RPRD1A: variants seen among roughly 807,000 people sequenced by gnomAD.
The protein encoded by RPRD1A is regulation of nuclear pre-mRNA domain containing 1A, also known as regulation of nuclear pre-mRNA domain-containing protein 1A.
Under a neutral mutation model 37.8 loss-of-function variants are expected in RPRD1A, and 9 were observed. That is an observed-to-expected ratio of 0.24 (90% CI 0.14 to 0.42). The LOEUF is 0.42. Ranked by LOEUF, RPRD1A falls within the 10% of genes least tolerant of loss-of-function variation. The pLI, the probability that RPRD1A is intolerant of heterozygous loss-of-function variation, is 1.00. For synonymous variants in RPRD1A, 138 were observed against 139.7 expected, an observed-to-expected ratio of 0.99 and a Z score of 0.08; for missense variants, 255 against 371.0, an observed-to-expected ratio of 0.69 and a Z score of 2.57.
intron 6 of RPRD1A, among the ~76,000 whole-genome samples, chr18:35,993,845 C>G (rs542063059): frequency 6.6e-6 from 1 of 152,310 alleles, no homozygotes; most frequent in Admixed American, 6.5e-5. Flanking sequence ...CCCCAACTAC[C>G]TGGTGCTGAA....
At position 35,990,075 on chromosome 18, in the gene RPRD1A, T is replaced by C. The variant is rs878920682; in HGVS notation, c.*3076A>G. On this transcript the variant is annotated 3_prime_UTR_variant, in exon 7 of 7. Transcript: ENST00000399022. ...TGGGCTTACATTTTAAGTTTTGATA[T>C]AGTGCAACAACTATGAAACAAGACT... is the stretch of plus-strand genomic sequence containing the variant. The C allele has an allele frequency of 6.6e-6, 1 of 152,246 alleles. No homozygotes were observed. Among genetic ancestry groups the C allele is most frequent in the Non-Finnish European group, 1.5e-5 (1 of 68,038 alleles). 9.4% of individuals were successfully genotyped at this position (152,246 alleles called of 1,614,324 possible). A position where few individuals can be genotyped will look rare whatever the true frequency, so the allele number is the denominator to read the frequency against.
chr18:36,065,393 C>T (rs191417014), intron 1 of RPRD1A, among the ~76,000 whole-genome samples: 2 of 152,246 alleles, frequency 1.3e-5, no homozygotes, highest in East Asian at 1.9e-4. Context: ...GAGAACTTTT[C>T]GATAGTATTA....
At chr18:36,039,764 A>T (rs1912449786) in intron 1 of RPRD1A, among the ~76,000 whole-genome samples, 1 of 152,226 alleles carries the variant, frequency 6.6e-6, no homozygotes, top group Non-Finnish European at 1.5e-5. Flanking sequence ...AACAGCTAAA[A>T]TCCTGTTATC....
intron 1 of RPRD1A, among the ~76,000 whole-genome samples, chr18:36,047,153 A>G (rs939235927): frequency 1.3e-5 from 2 of 152,074 alleles, no homozygotes; most frequent in Admixed American, 6.6e-5. Flanking sequence ...GGTTACAGTG[A>G]GCTGCGATCA....
chr18:36,047,294 A>C (rs549262759), intron 1 of RPRD1A, among the ~76,000 whole-genome samples: 21 of 152,168 alleles, frequency 1.4e-4, no homozygotes, highest in Non-Finnish European at 2.9e-4. Flanking sequence ...TTGAAAATAC[A>C]ACATAACAAA....
intron 6 of RPRD1A, among the ~76,000 whole-genome samples, chr18:36,019,233 G>A (rs1001974651): frequency 2.0e-5 from 3 of 150,288 alleles, no homozygotes; most frequent in African/African-American, 7.4e-5. Flanking sequence ...TCAGTCTCCC[G>A]AGCAGCCGGG....
rs377543761 is a variant in RPRD1A, at chr18:35,994,295, T to G, written c.790-995A>C. On this transcript the variant is annotated intron_variant, in intron 6 of 6. Coordinates refer to ENST00000399022, the MANE Select transcript of RPRD1A (RefSeq NM_018170.5). ...TGAGAGGACCATCCTAGAGAGTGCA[T>G]AGATGAGGAAACATCTAAGGAAGAA... Among the ~76,000 whole-genome samples the G allele has an allele frequency of 4.9e-4, 74 of 152,232 alleles. No homozygotes were observed. The South Asian group carries it at 5.0e-3, about 10-fold the overall frequency.
chr18:36,004,483 G>A (rs1055787086), intron 6 of RPRD1A, among the ~76,000 whole-genome samples: 2 of 151,218 alleles, frequency 1.3e-5, no homozygotes, highest in African/African-American at 2.4e-5. Context: ...TTGAACTCCT[G>A]GTCTCAAGCA....
At chr18:36,050,638 T>G (rs1913313957) in intron 1 of RPRD1A, among the ~76,000 whole-genome samples, 1 of 151,906 alleles carries the variant, frequency 6.6e-6, no homozygotes, top group African/African-American at 2.4e-5. Flanking sequence ...CATGAAACTA[T>G]GCTCACCATT....
intron 4 of RPRD1A, among the ~76,000 whole-genome samples, chr18:36,029,577 CAT>C (rs1312005427): frequency 6.9e-6 from 1 of 144,788 alleles, no homozygotes; most frequent in Non-Finnish European, 1.5e-5. Flanking sequence ...GTCCCGCCTA[CAT>C]GTTTGAAACA....
chr18:36,029,442 C>A (rs1911607600), intron 4 of RPRD1A, among the ~76,000 whole-genome samples: 1 of 152,020 alleles, frequency 6.6e-6, no homozygotes, highest in Non-Finnish European at 1.5e-5. Flanking sequence ...GGGACCAGGG[C>A]TCAGCAGGAG....
At chr18:36,054,440 G>C (rs1166613684) in intron 1 of RPRD1A, among the ~76,000 whole-genome samples, 1 of 152,178 alleles carries the variant, frequency 6.6e-6, no homozygotes, top group Non-Finnish European at 1.5e-5. Context: ...GCAGTGAGCA[G>C]AGGTGATGCC....
intron 6 of RPRD1A, among the ~76,000 whole-genome samples, chr18:36,015,811 G>A (rs977232778): frequency 3.3e-5 from 5 of 152,116 alleles, no homozygotes; most frequent in Non-Finnish European, 7.4e-5. Context: ...GGGTGAAGGC[G>A]GAAATGAGAA....
chr18:36,049,706 T>C (rs543518279), intron 1 of RPRD1A, among the ~76,000 whole-genome samples: 2 of 152,332 alleles, frequency 1.3e-5, no homozygotes, highest in East Asian at 3.9e-4. Context: ...TTTATTCATT[T>C]ATCTGTTGTT....
chr18:36,004,328 T>A (rs1353741906), intron 6 of RPRD1A, among the ~76,000 whole-genome samples: 2 of 151,560 alleles, frequency 1.3e-5, no homozygotes, highest in African/African-American at 4.8e-5. Flanking sequence ...AGTATCAGCT[T>A]ACTACAACCT....
chr18:36,048,089 A>G (rs1314883829), intron 1 of RPRD1A, among the ~76,000 whole-genome samples: 1 of 126,952 alleles, frequency 7.9e-6, no homozygotes, highest in African/African-American at 3.1e-5. Context: ...TTTTTTTGAG[A>G]CAGTTTCGCT....
chr18:36,036,890 G>C (rs1912226941), intron 1 of RPRD1A, among the ~76,000 whole-genome samples: 1 of 152,196 alleles, frequency 6.6e-6, no homozygotes, highest in Non-Finnish European at 1.5e-5. Context: ...CTAAGTGACA[G>C]GTCTGACTTA....
At position 36,067,495 on chromosome 18, in the gene RPRD1A, C is replaced by T; in HGVS notation, c.-91G>A. 2 of 1,317,632 alleles carry T rather than the reference C, an allele frequency of 1.5e-6. No individual in the cohort carries two copies. Among genetic ancestry groups the T allele is most frequent in the Non-Finnish European group, 2.1e-6 (2 of 961,558 alleles). The allele number at this position is 1,317,632 out of a possible 1,614,324, so 81.6% of individuals were successfully genotyped here. On this transcript the variant is annotated 5_prime_UTR_variant, in exon 1 of 7. Coordinates refer to ENST00000399022, the MANE Select transcript of RPRD1A (RefSeq NM_018170.5). ...TAGCTGCGGCCTCGCCCCCTCACCC[C>T]ACCCTTCCCCACGCTCTCACCACGG...
chr18:36,028,607 T>C (rs1911547143), intron 4 of RPRD1A, among the ~76,000 whole-genome samples: 1 of 152,204 alleles, frequency 6.6e-6, no homozygotes, highest in South Asian at 2.1e-4. Flanking sequence ...CATGAGTACA[T>C]TCTAAGTTCC....
Sources: allele counts gnomAD v4.1 joint callset (sites outside exome capture counted in the v4.1 genomes callset), GRCh38; gene constraint gnomAD v4.1.1; transcripts MANE v1.5; gene names NCBI Gene and HGNC (gene_info 2026-07-23, HGNC 2026-07-21).